Variants in CACNB2 observed in about 807,000 individuals in gnomAD.
CACNB2 encodes calcium voltage-gated channel auxiliary subunit beta 2.
A neutral mutation model predicts 73.3 loss-of-function variants in CACNB2; 42 were observed. The ratio of observed to expected loss-of-function variants is 0.57; its 90% CI spans 0.45 to 0.74. CACNB2 has a LOEUF of 0.74. Among genes scored for constraint, CACNB2 ranks in the 30% least tolerant of loss-of-function variants. The pLI is 0.00. For synonymous variants in CACNB2, 348 were observed against 310.3 expected, an observed-to-expected ratio of 1.12 and a Z score of -1.28; for missense variants, 940 against 853.0, an observed-to-expected ratio of 1.10 and a Z score of -1.27.
At chr10:18,357,036 C>T (rs1213780696) in intron 2 of CACNB2, among the ~76,000 whole-genome samples, 1 of 148,032 alleles carries the variant, frequency 6.8e-6, no homozygotes, top group Non-Finnish European at 1.5e-5. Context: ...GCTCCGCCTC[C>T]CGGGTTCACG....
chr10:18,338,738 CTTTTTTTT>C (rs553402190), intron 2 of CACNB2, among the ~76,000 whole-genome samples: 1 of 102,446 alleles, frequency 9.8e-6, no homozygotes, highest in Non-Finnish European at 1.8e-5. Flanking sequence ...TCCTTCTTTC[CTTTTTTTT>C]TTTTTTTTTT....
At chr10:18,424,550 G>C (rs569632506) in intron 3 of CACNB2, among the ~76,000 whole-genome samples, 35 of 152,204 alleles carry the variant, frequency 2.3e-4, no homozygotes, top group Middle Eastern at 3.4e-3. Context: ...GTCTGGTCGG[G>C]TGTCCGAGAC....
chr10:18,433,646 T>A (rs373976029), intron 3 of CACNB2, among the ~76,000 whole-genome samples: 1 of 151,364 alleles, frequency 6.6e-6, no homozygotes, highest in South Asian at 2.1e-4. Context: ...GGTCTGTGAG[T>A]GATATTTAAG....
At chr10:18,460,989 G>A (rs761508022) in intron 3 of CACNB2, among the ~76,000 whole-genome samples, 1 of 152,014 alleles carries the variant, frequency 6.6e-6, no homozygotes, top group Non-Finnish European at 1.5e-5. Context: ...GAGGGCAATG[G>A]CGTGATCTTG....
intron 3 of CACNB2, among the ~76,000 whole-genome samples, chr10:18,456,162 TC>T (rs1239853646): frequency 6.6e-6 from 1 of 152,142 alleles, no homozygotes; most frequent in African/African-American, 2.4e-5. Context: ...ATAATGCCTC[TC>T]CCTTAAGAAA....
At chr10:18,383,702 A>C (rs563197459) in intron 2 of CACNB2, among the ~76,000 whole-genome samples, 1 of 144,046 alleles carries the variant, frequency 6.9e-6, no homozygotes, top group South Asian at 2.2e-4. Flanking sequence ...AGAGTAGCGA[A>C]TAGAGTGCCA....
At position 18,312,484 on chromosome 10, in the gene CACNB2, A is replaced by G. The variant is rs540902040; in HGVS notation, c.214-89440A>G. ...AGCCAGTTAAGATTATATAACAGCC[A>G]GAAATATTGGCCCAGATGCTGAATA... On this transcript the variant is annotated intron_variant, in intron 2 of 13. Transcript: ENST00000324631. Among the ~76,000 whole-genome samples the G allele has an allele frequency of 2.7e-3, 409 of 152,330 alleles. 2 individuals carry two copies. Among genetic ancestry groups the G allele is most frequent in the African/African-American group, 9.4e-3 (392 of 41,576 alleles).
intron 7 of CACNB2, 73 bp from the exon 8 acceptor site, chr10:18,518,263 G>C (rs1348844747): frequency 3.0e-6 from 3 of 998,532 alleles, no homozygotes; most frequent in Admixed American, 3.4e-5. Context: ...AGTTCAGAAA[G>C]AGTACCTTAT....
At position 18,537,438 on chromosome 10, in the gene CACNB2, A is replaced by G. The variant is rs185694361; in HGVS notation, c.1303-742A>G. ...CTACTGTGAAGTTTGGACAATGTCA[A>G]AATTTCACATCCTAATCTTACCTTA... On this transcript the variant is annotated intron_variant, in intron 12 of 13. Transcript: ENST00000324631. Among the ~76,000 whole-genome samples the G allele has an allele frequency of 4.7e-3, 723 of 152,330 alleles. 3 individuals carry two copies. Among genetic ancestry groups the G allele is most frequent in the African/African-American group, 0.014 (599 of 41,570 alleles).
chr10:18,323,329 A>G lies in CACNB2; in HGVS notation c.214-78595A>G, dbSNP rs553248571. 7.9e-5 allele frequency among the ~76,000 whole-genome samples: 12 copies of G among 151,804 alleles called. No homozygotes were observed. The South Asian group carries it at 2.3e-3, about 29-fold the overall frequency. Reference sequence around the variant, plus strand: ...TAAGCAAAGTGGAGTGATTTTGCCTATTTTTGTATTTTGTATGTAAATGCA... The same window carrying G: ...TAAGCAAAGTGGAGTGATTTTGCCTGTTTTTGTATTTTGTATGTAAATGCA... On this transcript the variant is annotated intron_variant, in intron 2 of 13. Transcript: ENST00000324631.
intron 2 of CACNB2, among the ~76,000 whole-genome samples, chr10:18,162,578 A>T (rs569075228): frequency 6.6e-6 from 1 of 152,186 alleles, no homozygotes; most frequent in Non-Finnish European, 1.5e-5. Flanking sequence ...TTCTCTGTCA[A>T]TTAGATTATT....
chr10:18,453,459 G>A (rs2047113672), intron 3 of CACNB2, among the ~76,000 whole-genome samples: 1 of 152,054 alleles, frequency 6.6e-6, no homozygotes. Flanking sequence ...GTCCCTCCAT[G>A]AGGCTTGGAA....
chr10:18,408,218 T>G (rs2132597296), intron 3 of CACNB2, among the ~76,000 whole-genome samples: 1 of 147,580 alleles, frequency 6.8e-6, no homozygotes, highest in African/African-American at 2.5e-5. Flanking sequence ...AAGGAAACAT[T>G]CACTATCCCT....
rs1304462745 is a variant in CACNB2, at chr10:18,225,838, CT to C, written c.213+74864del. 5.9e-5 allele frequency among the ~76,000 whole-genome samples: 9 copies of C among 152,110 alleles called. No homozygotes were observed. The East Asian group carries it at 1.7e-3, about 30-fold the overall frequency. ...AAATTTTTGTAGAAATGGGGTCCCA[CT>C]ATGTTGCTCAGGCTGGTCTCCAGCT... On this transcript the variant is annotated intron_variant, in intron 2 of 13. Transcript: ENST00000324631.
At chr10:18,422,793 C>T (rs900351767) in intron 3 of CACNB2, among the ~76,000 whole-genome samples, 3 of 152,096 alleles carry the variant, frequency 2.0e-5, no homozygotes, top group African/African-American at 4.8e-5. Context: ...CCACCTCCCA[C>T]GTTCAAGTGA....
At chr10:18,300,219 A>G (rs944078775) in intron 2 of CACNB2, among the ~76,000 whole-genome samples, 3 of 151,694 alleles carry the variant, frequency 2.0e-5, no homozygotes, top group African/African-American at 7.3e-5. Flanking sequence ...ATGAGGTTTC[A>G]CTCTATTGGT....
At chr10:18,162,139 C>G (rs754199033) in intron 2 of CACNB2, among the ~76,000 whole-genome samples, 1 of 152,092 alleles carries the variant, frequency 6.6e-6, no homozygotes, top group Non-Finnish European at 1.5e-5. Flanking sequence ...AAGTCAGTAT[C>G]CTTCACAGTA....
chr10:18,488,493 A>G (rs985175285), intron 3 of CACNB2, among the ~76,000 whole-genome samples: 13 of 150,920 alleles, frequency 8.6e-5, no homozygotes, highest in African/African-American at 1.9e-4. Flanking sequence ...AAAAAAAAAA[A>G]AAAAAAGAAA....
At chr10:18,145,010 T>G (rs1037796611) in intron 1 of CACNB2, among the ~76,000 whole-genome samples, 1 of 152,162 alleles carries the variant, frequency 6.6e-6, no homozygotes, top group Non-Finnish European at 1.5e-5. Flanking sequence ...AAGAACAGTA[T>G]CTCAGCACTC....
Sources: allele counts gnomAD v4.1 joint callset (sites outside exome capture counted in the v4.1 genomes callset), GRCh38; gene constraint gnomAD v4.1.1; transcripts MANE v1.5; gene names NCBI Gene and HGNC (gene_info 2026-07-23, HGNC 2026-07-21).